The following SELE variants were observed in gnomAD, a reference collection of about 807,000 sequenced individuals.
SELE encodes selectin E, also known as E-selectin.
SELE carries 52 observed loss-of-function variants against 75.8 expected under a neutral mutation model. That is an observed-to-expected ratio of 0.69 (90% CI 0.55 to 0.86). The LOEUF is 0.86. Ranked by LOEUF, SELE falls within the 40% of genes least tolerant of loss-of-function variation. The pLI, the probability that SELE is intolerant of heterozygous loss-of-function variation, is 0.00. For synonymous variants in SELE, 285 were observed against 258.7 expected, an observed-to-expected ratio of 1.10 and a Z score of -0.98; for missense variants, 754 against 732.7, an observed-to-expected ratio of 1.03 and a Z score of -0.34.
chr1:169,727,713 C>G (rs769832787), intron 9 of SELE, 26 bp downstream of exon 9: 1 of 1,608,328 alleles, frequency 6.2e-7, no homozygotes, highest in Non-Finnish European at 8.5e-7. Context: ...GACCTGTACC[C>G]TAAAAAAGTC....
At chr1:169,725,544 A>C (rs1454396769) in intron 13 of SELE, among the ~76,000 whole-genome samples, 185 bp downstream of exon 13, 2 of 152,098 alleles carry the variant, frequency 1.3e-5, no homozygotes, top group African/African-American at 2.4e-5. Context: ...TTACACAATA[A>C]AGCTAGATCC....
Position 169,729,573 on chromosome 1 carries a change from A to G in SELE, c.816T>C (p.Cys272=), listed in dbSNP as rs1648858637. 1 of 1,614,170 alleles carries G rather than the reference A, an allele frequency of 6.2e-7. No individual in the cohort carries two copies. Among genetic ancestry groups the G allele is most frequent in the Non-Finnish European group, 8.5e-7 (1 of 1,180,016 alleles). Residue 272 remains cysteine (C), a synonymous_variant, in exon 6 of 14, where the codon TGT becomes TGC. Transcript: ENST00000333360. ...CTCCCATTAGTTCAAATCCTTCTTC[A>G]CAGTCAAATGTACAGGTTGTGTTCC... ...FPWNTTCTFD[C]EEGFELMGAQ...
chr1:169,727,571 G>A, intron 9 of SELE, 46 bp from the exon 10 acceptor site: 1 of 1,583,368 alleles, frequency 6.3e-7, no homozygotes, highest in South Asian at 1.2e-5. Context: ...AAATCTACTG[G>A]AAAACTTCCA....
chr1:169,728,370 G>C, intron 7 of SELE, 124 bp from the exon 8 acceptor site: 1 of 862,824 alleles, frequency 1.2e-6, no homozygotes, highest in Non-Finnish European at 1.7e-6. Context: ...ATAATTCCCT[G>C]GACAAATGGG....
At chr1:169,731,294 T>C (rs539400068) in intron 4 of SELE, among the ~76,000 whole-genome samples, 4 of 152,286 alleles carry the variant, frequency 2.6e-5, no homozygotes, top group African/African-American at 9.6e-5. Flanking sequence ...CTAAGGAATC[T>C]TGGAGAGAAG....
intron 10 of SELE, 52 bp from the exon 11 acceptor site, chr1:169,726,858 T>G: frequency 2.3e-6 from 3 of 1,309,698 alleles, no homozygotes; most frequent in Non-Finnish European, 3.3e-6. Flanking sequence ...GATGTTAAAG[T>G]CTCTCCGTCC....
chr1:169,729,717 CT>C, intron 5 of SELE, 44 bp from the exon 6 acceptor site: 1 of 1,589,926 alleles, frequency 6.3e-7, no homozygotes, highest in African/African-American at 1.3e-5. Flanking sequence ...GAAGAATGAT[CT>C]TTTCACTTCC....
chr1:169,730,741 G>A, intron 4 of SELE, 124 bp from the exon 5 acceptor site: 1 of 534,604 alleles, frequency 1.9e-6, no homozygotes, highest in Non-Finnish European at 3.0e-6. Flanking sequence ...ATTTCTAATG[G>A]AATTTGTAAA....
chr1:169,726,068 G>A (rs1052490154), intron 11 of SELE, 140 bp from the exon 12 acceptor site: 18 of 985,594 alleles, frequency 1.8e-5, no homozygotes, highest in Middle Eastern at 3.1e-4. Flanking sequence ...CAGAGCACAA[G>A]CATGGCTCTG....
intron 10 of SELE, 62 bp from the exon 11 acceptor site, chr1:169,726,868 C>T: frequency 8.2e-7 from 1 of 1,212,834 alleles, no homozygotes; most frequent in Non-Finnish European, 1.2e-6. Context: ...TCTCTCCGTC[C>T]TGTCCCTTTG....
At chr1:169,733,158 A>T (rs1648959175) in intron 2 of SELE, among the ~76,000 whole-genome samples, 160 bp from the exon 3 acceptor site, 1 of 152,156 alleles carries the variant, frequency 6.6e-6, no homozygotes. Flanking sequence ...AGAAACAGCG[A>T]CTTATTGTTT....
chr1:169,733,963 G>T lies in SELE; in HGVS notation c.-49+8C>A. 1 of 256,476 alleles carries T rather than the reference G, an allele frequency of 3.9e-6. No homozygotes were observed. The highest frequency in any genetic ancestry group is 7.5e-6 in the Non-Finnish European group (1 of 132,784). The allele number at this position is 256,476 out of a possible 1,614,324, so 15.9% of individuals were successfully genotyped here. ...CGAGGCTGCCCTTATAAAGCGTTCT[G>T]CACTTACCGTTTTGGGAAGCAGTTG... On this transcript the variant is annotated splice_region_variant and intron_variant, in intron 1 of 13. Coordinates refer to ENST00000333360, the MANE Select transcript of SELE (RefSeq NM_000450.2).
At position 169,727,499 on chromosome 1, in the gene SELE, G is replaced by T; in HGVS notation, c.1495C>A (p.Pro499Thr). 5 of 1,613,970 alleles carry T rather than the reference G, an allele frequency of 3.1e-6. No individual in the cohort carries two copies. Among genetic ancestry groups the T allele is most frequent in the Non-Finnish European group, 4.2e-6 (5 of 1,179,968 alleles). Reference protein sequence around the residue: ...QVVKCSSLAVPGKINMSCSGE... With the variant: ...QVVKCSSLAVTGKINMSCSGE... ...CTGCAGCTCATGTTGATCTTTCCCG[G>T]AACTGCCAGGCTTGAACATTTTACC... The change falls in exon 10 of 14, where the codon CCG (proline) becomes ACG (threonine). Residue 499 changes from proline to threonine, a missense_variant. Coordinates refer to ENST00000333360, the MANE Select transcript of SELE (RefSeq NM_000450.2).
chr1:169,729,717 C>T (rs748360759), intron 5 of SELE, 44 bp from the exon 6 acceptor site: 3 of 1,589,808 alleles, frequency 1.9e-6, no homozygotes, highest in African/African-American at 2.7e-5. Flanking sequence ...GAAGAATGAT[C>T]TTTTCACTTC....
At chr1:169,725,995 G>T (rs983928427) in intron 11 of SELE, 67 bp from the exon 12 acceptor site, 18 of 1,555,528 alleles carry the variant, frequency 1.2e-5, no homozygotes, top group Non-Finnish European at 1.6e-5. Context: ...ATTAAATCCA[G>T]ATACAATATG....
At chr1:169,725,388 T>TA (rs200945630) in intron 13 of SELE, among the ~76,000 whole-genome samples, 21,775 of 136,348 alleles carry the variant, frequency 0.16, 1,814 homozygotes, top group East Asian at 0.26. Context: ...ATCTCAAAAT[T>TA]AAAAAAAAAA....
At position 169,729,220 on chromosome 1, in the gene SELE, T is replaced by C. The variant is rs150689262; in HGVS notation, c.1056A>G (p.Gln352=). The C allele has an allele frequency of 1.0e-4, 168 of 1,613,758 alleles. No homozygotes were observed. Among genetic ancestry groups the C allele is most frequent in the Non-Finnish European group, 1.4e-4 (167 of 1,179,860 alleles). ...QGPAQVECTT[Q]GQWTQQIPVC... ...CTGGGATTTGCTGTGTCCACTGCCC[T>C]TGAGTGGTGCATTCAACCTGGGCTG... is the stretch of plus-strand genomic sequence containing the variant. Residue 352 remains glutamine, a synonymous_variant, in exon 7 of 14, where the codon CAA becomes CAG. Transcript: ENST00000333360.
chr1:169,727,796 T>C lies in SELE; in HGVS notation c.1411A>G (p.Thr471Ala). The C allele has an allele frequency of 6.2e-7, 1 of 1,614,098 alleles. No homozygotes were observed. Among genetic ancestry groups the C allele is most frequent in the South Asian group, 1.1e-5 (1 of 91,074 alleles). ...CEEGFELHGSTQLECTSQGQW... is the reference protein window; with the variant it reads ...CEEGFELHGSAQLECTSQGQW... ...CCCTGAGATGTGCACTCAAGTTGAG[T>C]TGATCCATGTAATTCAAATCCCTCC... The change falls in exon 9 of 14, where the codon ACT becomes GCT. Residue 471 changes from threonine to alanine, a missense_variant. Transcript: ENST00000333360.
rs1297384611 is a variant in SELE at position 169,729,691 on chromosome 1, C to A, written c.716-18G>T. On this transcript the variant is annotated intron_variant, in intron 5 of 13. Transcript: ENST00000333360. ...CTCAACCACTGAGGATTTTAAAGAG[C>A]ACCATGAATTTTACAGAAGAATGAT... 6.2e-7 allele frequency: 1 copy of A among 1,610,830 alleles called. No individual in the cohort carries two copies. The highest frequency in any genetic ancestry group is 2.2e-5 in the East Asian group (1 of 44,864).
Sources: allele counts gnomAD v4.1 joint callset (sites outside exome capture counted in the v4.1 genomes callset), GRCh38; gene constraint gnomAD v4.1.1; transcripts MANE v1.5; gene names NCBI Gene and HGNC (gene_info 2026-07-23, HGNC 2026-07-21).